Variants in SLC25A21 observed in about 807,000 individuals in gnomAD.
SLC25A21 encodes mitochondrial 2-oxodicarboxylate carrier.
Under a neutral mutation model 43.8 loss-of-function variants are expected in SLC25A21, and 47 were observed. That is an observed-to-expected ratio of 1.07 (90% confidence interval 0.85 to 1.37). The LOEUF (loss-of-function observed/expected upper bound fraction) is 1.37, where lower values mean the gene tolerates loss of function less well. Ranked by LOEUF, SLC25A21 falls within the 40% of genes most tolerant of loss-of-function variation. SLC25A21 has a pLI of 0.00. For synonymous variants in SLC25A21, 131 were observed against 121.3 expected (o/e 1.08, Z -0.52); for missense variants, 352 against 350.2 (o/e 1.00, Z -0.04).
intron 3 of SLC25A21, among the ~76,000 whole-genome samples, chr14:36,743,761 T>C (rs1385923365): frequency 6.6e-6 from 1 of 152,098 alleles, no homozygotes; most frequent in African/African-American, 2.4e-5. Flanking sequence ...GGAAGTCAAA[T>C]GATCTCTCAC....
chr14:36,735,009 A>G (rs1272135837), intron 3 of SLC25A21, among the ~76,000 whole-genome samples: 2 of 152,190 alleles, frequency 1.3e-5, no homozygotes, highest in African/African-American at 4.8e-5. Context: ...TGAAATTTTC[A>G]ATTTTAGCTT....
intron 1 of SLC25A21, among the ~76,000 whole-genome samples, chr14:36,940,106 C>T (rs934663850): frequency 7.2e-5 from 11 of 152,036 alleles, no homozygotes; most frequent in East Asian, 3.8e-4. Context: ...TTCTAAACTG[C>T]GTATTGCAAA....
chr14:37,079,026 A>C (rs944675274), intron 1 of SLC25A21, among the ~76,000 whole-genome samples: 1 of 152,118 alleles, frequency 6.6e-6, no homozygotes, highest in Non-Finnish European at 1.5e-5. Context: ...TCCTTAAAAA[A>C]CTTTTTAAAG....
intron 2 of SLC25A21, among the ~76,000 whole-genome samples, chr14:36,831,668 TA>T (rs1376966343): frequency 6.6e-6 from 1 of 152,126 alleles, no homozygotes; most frequent in Non-Finnish European, 1.5e-5. Flanking sequence ...AAGTTTAAAA[TA>T]AAAAAGGCTC....
At chr14:36,839,073 G>T (rs1421062532) in intron 2 of SLC25A21, among the ~76,000 whole-genome samples, 1 of 152,074 alleles carries the variant, frequency 6.6e-6, no homozygotes, top group Non-Finnish European at 1.5e-5. Flanking sequence ...TCTTTTAAAG[G>T]AGTCACTGGA....
At chr14:37,112,983 T>C (rs902631246) in intron 1 of SLC25A21, among the ~76,000 whole-genome samples, 1 of 152,238 alleles carries the variant, frequency 6.6e-6, no homozygotes, top group Middle Eastern at 3.4e-3. Context: ...TCGGAATAGA[T>C]GCAAAGAAAC....
intron 1 of SLC25A21, among the ~76,000 whole-genome samples, chr14:37,121,143 C>A (rs1031639571): frequency 6.6e-6 from 1 of 152,130 alleles, no homozygotes; most frequent in African/African-American, 2.4e-5. Flanking sequence ...TCAGAACTTG[C>A]GCCAGGCAAA....
chr14:37,105,938 G>A (rs1962903477), intron 1 of SLC25A21, among the ~76,000 whole-genome samples: 1 of 152,110 alleles, frequency 6.6e-6, no homozygotes, highest in African/African-American at 2.4e-5. Flanking sequence ...AGAGGGACAG[G>A]CTGGAGCCGC....
rs547342874 is a variant in SLC25A21, at chr14:36,946,808, A to G, written c.71-71804T>C. ...TCAGCTTGTCATGGCCTGACCATGAAACATAACTTGACAAATAAAGGAAGT... is the reference window on the plus strand; with the variant it reads ...TCAGCTTGTCATGGCCTGACCATGAGACATAACTTGACAAATAAAGGAAGT... On this transcript the variant is annotated intron_variant, in intron 1 of 9. Transcript: ENST00000331299. Among the ~76,000 whole-genome samples the G allele has an allele frequency of 2.0e-4, 31 of 152,290 alleles. No homozygotes were observed. The East Asian group carries it at 5.6e-3, about 28-fold the overall frequency.
At chr14:37,158,765 T>C (rs1963891402) in intron 1 of SLC25A21, among the ~76,000 whole-genome samples, 3 of 152,100 alleles carry the variant, frequency 2.0e-5, no homozygotes, top group Non-Finnish European at 4.4e-5. Flanking sequence ...ATAAAAGGCA[T>C]TCAGATTGGA....
chr14:37,069,587 T>C lies in SLC25A21; in HGVS notation c.70+102694A>G, dbSNP rs1962131951. Among the ~76,000 whole-genome samples, 2 of 152,224 alleles carry C rather than the reference T, an allele frequency of 1.3e-5. 1 individual carries two copies. Among genetic ancestry groups the C allele is most frequent in the South Asian group, 4.1e-4 (2 of 4,836 alleles). ...TTTTAATTTTAATCAGTTTCAGCCT[T>C]CTTCGTTGAAAACAGAAGTAAATCA... is the stretch of plus-strand genomic sequence containing the variant. On this transcript the variant is annotated intron_variant, in intron 1 of 9. Coordinates refer to ENST00000331299, the MANE Select transcript of SLC25A21 (RefSeq NM_030631.4).
At chr14:36,842,430 G>A (rs1006998962) in intron 2 of SLC25A21, among the ~76,000 whole-genome samples, 4 of 152,208 alleles carry the variant, frequency 2.6e-5, no homozygotes, top group South Asian at 4.2e-4. Flanking sequence ...TTCCTGCCTG[G>A]AAGCTGGATG....
chr14:36,988,730 T>C (rs929117490), intron 1 of SLC25A21, among the ~76,000 whole-genome samples: 1 of 152,178 alleles, frequency 6.6e-6, no homozygotes, highest in Non-Finnish European at 1.5e-5. Flanking sequence ...AGAAACTCCC[T>C]AGCTGATTCT....
chr14:36,791,348 A>G lies in SLC25A21; in HGVS notation c.203+22570T>C, dbSNP rs914180909. ...ATTCATTACTTATTTCCTCTACCTAAACAAAAACACCCTACCTGCTTTTTA... is the reference window on the plus strand; with the variant it reads ...ATTCATTACTTATTTCCTCTACCTAGACAAAAACACCCTACCTGCTTTTTA... On this transcript the variant is annotated intron_variant, in intron 3 of 9. Transcript: ENST00000331299. Among the ~76,000 whole-genome samples the G allele has an allele frequency of 3.9e-5, 6 of 152,128 alleles. No individual in the cohort carries two copies. The East Asian group carries it at 1.2e-3, about 29-fold the overall frequency.
At chr14:36,822,709 T>C (rs1033392575) in intron 2 of SLC25A21, among the ~76,000 whole-genome samples, 1 of 152,196 alleles carries the variant, frequency 6.6e-6, no homozygotes, top group Admixed American at 6.6e-5. Context: ...GCCTCAAAAA[T>C]ACTATCTCTC....
At chr14:37,045,797 A>G (rs887638254) in intron 1 of SLC25A21, among the ~76,000 whole-genome samples, 3 of 152,118 alleles carry the variant, frequency 2.0e-5, no homozygotes, top group Non-Finnish European at 2.9e-5. Context: ...TGAAGTCACA[A>G]TTTCTCCACT....
At chr14:36,982,486 T>C (rs1192317128) in intron 1 of SLC25A21, among the ~76,000 whole-genome samples, 1 of 152,118 alleles carries the variant, frequency 6.6e-6, no homozygotes, top group Non-Finnish European at 1.5e-5. Flanking sequence ...AGCAGTAGAA[T>C]TTTTAACCAT....
intron 1 of SLC25A21, among the ~76,000 whole-genome samples, chr14:37,027,077 T>C (rs902829678): frequency 3.9e-5 from 6 of 152,140 alleles, no homozygotes; most frequent in African/African-American, 1.4e-4. Flanking sequence ...CTTATTTTCA[T>C]TGAGGGGAGC....
chr14:37,077,281 G>GA (rs1307692998), intron 1 of SLC25A21, among the ~76,000 whole-genome samples: 5 of 152,240 alleles, frequency 3.3e-5, no homozygotes, highest in African/African-American at 9.6e-5. Flanking sequence ...AATGTGTTTA[G>GA]AAAAAATTCA....
Sources: allele counts gnomAD v4.1 joint callset (sites outside exome capture counted in the v4.1 genomes callset), GRCh38; gene constraint gnomAD v4.1.1; transcripts MANE v1.5; gene names NCBI Gene and HGNC (gene_info 2026-07-23, HGNC 2026-07-21).